The following RBM27 variants were observed in gnomAD, a reference collection of about 807,000 sequenced individuals.
RBM27 encodes the protein RNA binding motif protein 27, also known as RNA-binding protein 27.
A neutral mutation model predicts 135.3 loss-of-function variants in RBM27; 22 were observed. The observed-to-expected ratio is 0.16, with a 90% CI of 0.12 to 0.23. RBM27 has a LOEUF of 0.23. RBM27 is among the 10% of genes least tolerant of loss of function. The pLI, the probability that RBM27 is intolerant of heterozygous loss-of-function variation, is 1.00. For missense variants in RBM27, 1,009 were observed against 1,281.0 expected (o/e 0.79, Z 3.24); for synonymous variants, 481 against 442.4 (o/e 1.09, Z -1.10).
chr5:146,206,430 T>G (rs1387080439), intron 1 of RBM27, among the ~76,000 whole-genome samples: 1 of 151,324 alleles, frequency 6.6e-6, no homozygotes, highest in Non-Finnish European at 1.5e-5. Context: ...ATTCTGTAAT[T>G]TTCATGAGTA....
chr5:146,229,122 T>C (rs762509129), intron 4 of RBM27, 85 bp downstream of exon 4: 46 of 920,118 alleles, frequency 5.0e-5, no homozygotes, highest in Non-Finnish European at 6.9e-5. Context: ...TTTTAATATA[T>C]ATACTTACTC....
intron 9 of RBM27, among the ~76,000 whole-genome samples, chr5:146,254,463 C>A (rs1437077701): frequency 6.8e-6 from 1 of 147,298 alleles, no homozygotes; most frequent in Admixed American, 6.8e-5. Context: ...AAAGGTGTGT[C>A]TAGATACTGT....
chr5:146,267,537 T>A, intron 14 of RBM27, 112 bp from the exon 15 acceptor site: 2 of 644,644 alleles, frequency 3.1e-6, no homozygotes, highest in Admixed American at 3.3e-5. Context: ...AAAAAGAAAA[T>A]TTAACTCCTA....
intron 1 of RBM27, among the ~76,000 whole-genome samples, chr5:146,217,301 A>G (rs1050750772): frequency 1.3e-5 from 2 of 152,060 alleles, no homozygotes; most frequent in Non-Finnish European, 2.9e-5. Flanking sequence ...AGCCTTTCCC[A>G]TGACAGTGTT....
intron 3 of RBM27, among the ~76,000 whole-genome samples, chr5:146,225,926 G>A (rs1756654982): frequency 2.0e-5 from 3 of 151,816 alleles, no homozygotes; most frequent in Middle Eastern, 6.8e-3. Flanking sequence ...GCGGTGGCGC[G>A]ATCTCGGCCC....
chr5:146,261,774 G>A lies in RBM27; in HGVS notation c.2158G>A (p.Ala720Thr). Reference protein sequence around the residue: ...HQQQVLVAQSAPSTVHGGIQK... With the variant: ...HQQQVLVAQSTPSTVHGGIQK... ...GCAGCAGGTGCTAGTGGCCCAGTCT[G>A]CTCCTTCAACAGTGCACGGAGGTAT... Residue 720 changes from alanine (A) to threonine (T), a missense_variant, in exon 13 of 21, where the codon GCT (alanine) becomes ACT (threonine). Around this residue, in one of 6 missense-constraint regions of RBM27, gnomAD observed 355 missense variants for 427.3 expected, o/e 0.83. Transcript: ENST00000265271. The A allele has an allele frequency of 6.2e-7, 1 of 1,614,166 alleles. No individual in the cohort carries two copies. The highest frequency in any genetic ancestry group is 2.2e-5 in the East Asian group (1 of 44,882).
chr5:146,224,099 A>G (rs961884282), intron 3 of RBM27, among the ~76,000 whole-genome samples: 1 of 152,210 alleles, frequency 6.6e-6, no homozygotes, highest in African/African-American at 2.4e-5. Flanking sequence ...ACAATATAGT[A>G]TAGAAGAATG....
chr5:146,268,894 A>C lies in RBM27; in HGVS notation c.2452-313A>C, dbSNP rs76257451. 8.7e-3 allele frequency among the ~76,000 whole-genome samples: 1,319 copies of C among 152,324 alleles called. 23 individuals are homozygous for C. The highest frequency in any genetic ancestry group is 0.03 in the African/African-American group (1,259 of 41,568). On this transcript the variant is annotated intron_variant, in intron 15 of 20. Coordinates refer to ENST00000265271, the MANE Select transcript of RBM27 (RefSeq NM_018989.2). ...ACATTTTTAAACTTTAAACTTAAAA[A>C]ATAAGGATTTAGCTATTACATTGGC...
intron 19 of RBM27, among the ~76,000 whole-genome samples, chr5:146,283,037 C>G (rs1759429566): frequency 6.6e-6 from 1 of 152,068 alleles, no homozygotes. Flanking sequence ...ACCTCTTATC[C>G]TCTTTGGAGA....
chr5:146,233,319 TGA>T, intron 6 of RBM27, 129 bp from the exon 7 acceptor site: 1 of 1,411,986 alleles, frequency 7.1e-7, no homozygotes, highest in South Asian at 1.6e-5. Flanking sequence ...AGAGTAACAC[TGA>T]GACTTTGGAT....
At chr5:146,237,002 G>A (rs1477285724) in intron 7 of RBM27, among the ~76,000 whole-genome samples, 3 of 140,542 alleles carry the variant, frequency 2.1e-5, no homozygotes, top group Admixed American at 7.6e-5. Flanking sequence ...GCAATGGTGC[G>A]ATCTCGGCTC....
At chr5:146,257,481 A>G (rs1758153837) in intron 10 of RBM27, among the ~76,000 whole-genome samples, 1 of 152,154 alleles carries the variant, frequency 6.6e-6, no homozygotes, top group Non-Finnish European at 1.5e-5. Context: ...CACCAGTAAT[A>G]TTTTACTACC....
chr5:146,208,168 G>A (rs1257370385), intron 1 of RBM27, among the ~76,000 whole-genome samples: 1 of 151,510 alleles, frequency 6.6e-6, no homozygotes, highest in African/African-American at 2.4e-5. Context: ...CGTTGGTCAG[G>A]CTGGTCTCAA....
chr5:146,243,715 G>A (rs1757503916), intron 8 of RBM27, among the ~76,000 whole-genome samples: 1 of 151,936 alleles, frequency 6.6e-6, no homozygotes, highest in Admixed American at 6.6e-5. Context: ...TAACAAGTTG[G>A]GAAAGTTTAA....
chr5:146,261,409 CAT>C (rs1376524438), intron 12 of RBM27, 99 bp from the exon 13 acceptor site: 25 of 969,934 alleles, frequency 2.6e-5, no homozygotes, highest in East Asian at 1.6e-4. Flanking sequence ...AGGGCTTTAA[CAT>C]GTGTATTTTG....
At chr5:146,223,269 C>T in intron 2 of RBM27, 134 bp from the exon 3 acceptor site, 1 of 584,722 alleles carries the variant, frequency 1.7e-6, no homozygotes. Flanking sequence ...GATTCTCTTC[C>T]ATAAGGTAGG....
At chr5:146,269,391 G>A (rs747804531) in intron 16 of RBM27, 29 bp from the exon 17 acceptor site, 1 of 1,509,112 alleles carries the variant, frequency 6.6e-7, no homozygotes, top group African/African-American at 1.4e-5. Context: ...TATTAAGCAT[G>A]GTTTTACCTT....
chr5:146,261,381 A>G (rs1038148095), intron 12 of RBM27, 129 bp from the exon 13 acceptor site: 1 of 778,452 alleles, frequency 1.3e-6, no homozygotes, highest in Non-Finnish European at 2.1e-6. Flanking sequence ...TATCTCTAAA[A>G]CAGTAATGTT....
chr5:146,206,967 A>G (rs1755708910), intron 1 of RBM27, among the ~76,000 whole-genome samples: 2 of 152,092 alleles, frequency 1.3e-5, no homozygotes, highest in African/African-American at 2.4e-5. Flanking sequence ...TACCACATAT[A>G]TTTTTATTCT....
Sources: allele counts gnomAD v4.1 joint callset (sites outside exome capture counted in the v4.1 genomes callset), GRCh38; gene constraint gnomAD v4.1.1; regional missense constraint gnomAD v4.1.1; transcripts MANE v1.5; gene names NCBI Gene and HGNC (gene_info 2026-07-23, HGNC 2026-07-21).